Variants in ZNF324 observed in about 807,000 individuals in gnomAD.
ZNF324 encodes the protein zinc finger protein 324A.
In ZNF324, 3 loss-of-function variants were observed where a neutral mutation model predicts 10.3. The ratio of observed to expected loss-of-function variants is 0.29; its 90% confidence interval spans 0.13 to 0.75. The LOEUF (loss-of-function observed/expected upper bound fraction) is 0.75. Ranked by LOEUF, ZNF324 falls within the 30% of genes least tolerant of loss-of-function variation. The pLI is 0.69. For missense variants in ZNF324, 763 were observed against 784.4 expected, an observed-to-expected ratio of 0.97 and a Z score of 0.33; for synonymous variants, 430 against 339.5, an observed-to-expected ratio of 1.27 and a Z score of -2.93.
chr19:58,474,915 T>G lies in ZNF324; in HGVS notation c.*2761T>G, dbSNP rs2053068033. 6.6e-6 allele frequency: 1 copy of G among 152,140 alleles called. No homozygotes were observed. Among genetic ancestry groups the G allele is most frequent in the African/African-American group, 2.4e-5 (1 of 41,392 alleles). The allele number at this position is 152,140 out of a possible 1,614,324, so 9.4% of individuals were successfully genotyped here. A position where few individuals can be genotyped will look rare whatever the true frequency, so the allele number is the denominator to read the frequency against. ...AGGAGAGAGTTCCCACCAGGCTGAC[T>G]CCAGAACCGCAGAAGGCTGAGAACC... On this transcript the variant is annotated 3_prime_UTR_variant, in exon 4 of 4. Transcript: ENST00000196482.
At chr19:58,470,695 G>A in intron 3 of ZNF324, 36 bp from the exon 4 acceptor site, 1 of 1,613,938 alleles carries the variant, frequency 6.2e-7, no homozygotes. Context: ...CTCCTAACCA[G>A]GATGCCCCAG....
chr19:58,469,131 G>T, intron 1 of ZNF324, 49 bp from the exon 2 acceptor site: 1 of 1,613,134 alleles, frequency 6.2e-7, no homozygotes, highest in Non-Finnish European at 8.5e-7. Flanking sequence ...CAAAAGATTG[G>T]ATAACCCAGC....
intron 3 of ZNF324, 29 bp from the exon 4 acceptor site, chr19:58,470,702 C>T (rs2053021579): frequency 6.2e-7 from 1 of 1,613,580 alleles, no homozygotes; most frequent in Non-Finnish European, 8.5e-7. Context: ...CCAGGATGCC[C>T]CAGGCAACCA....
Position 58,473,410 on chromosome 19 carries a change from A to T in ZNF324, c.*1256A>T, listed in dbSNP as rs2053055443. On this transcript the variant is annotated 3_prime_UTR_variant, in exon 4 of 4. Transcript: ENST00000196482. ...CTCCAAGGAAATTCATGTTCTCCTT[A>T]ATGGAAAAAAAAAAAAAAAGACTAC... The T allele has an allele frequency of 8.6e-6, 1 of 116,870 alleles. No individual in the cohort carries two copies. Among genetic ancestry groups the T allele is most frequent in the African/African-American group, 3.5e-5 (1 of 28,472 alleles). The allele number at this position is 116,870 out of a possible 1,614,324, so 7.2% of individuals were successfully genotyped here. A position where few individuals can be genotyped will look rare whatever the true frequency, so the allele number is the denominator to read the frequency against.
rs1369412969 is a variant in ZNF324 at position 58,471,198 on chromosome 19, G to T, written c.706G>T (p.Gly236Cys). Residue 236 changes from glycine to cysteine, a missense_variant, in exon 4 of 4, where the codon GGT becomes TGT. Transcript: ENST00000196482. Reference sequence around the variant, plus strand: ...TTGGCAGGAGCCTCATAGACTCCTCGGTGGCCAGGAGCCCTCGACCTGGGA... The same window carrying T: ...TTGGCAGGAGCCTCATAGACTCCTCTGTGGCCAGGAGCCCTCGACCTGGGA... The part of the protein sequence containing the change: ...AVWQEPHRLL[G>C]GQEPSTWDEL... 2 of 1,613,378 alleles carry T rather than the reference G, an allele frequency of 1.2e-6. No homozygotes were observed. Among genetic ancestry groups the T allele is most frequent in the South Asian group, 2.2e-5 (2 of 91,066 alleles).
rs1199256759 is a variant in ZNF324, at chr19:58,472,492, G to A, written c.*338G>A. The A allele has an allele frequency of 1.0e-5, 3 of 290,228 alleles. No individual in the cohort carries two copies. The allele number at this position is 290,228 out of a possible 1,614,324, so 18.0% of individuals were successfully genotyped here. ...CATGTGATATGACAGTGGATGCTAA[G>A]GTGAGAGGGATGCAGGCATGGGTTG... On this transcript the variant is annotated 3_prime_UTR_variant, in exon 4 of 4. Coordinates refer to ENST00000196482, the MANE Select transcript of ZNF324 (RefSeq NM_014347.3).
chr19:58,471,014 T>C lies in ZNF324; in HGVS notation c.522T>C (p.Leu174=). Residue 174 remains leucine, a synonymous_variant, in exon 4 of 4, where the codon CTT becomes CTC. Coordinates refer to ENST00000196482, the MANE Select transcript of ZNF324 (RefSeq NM_014347.3). The part of the protein sequence containing the change: ...SPLRPPEGVR[L]REKTLTEHAL... ...TTAGGCCTCCCGAGGGCGTCCGGCTTAGAGAAAAGACACTCACAGAGCATG... is the reference window on the plus strand; with the variant it reads ...TTAGGCCTCCCGAGGGCGTCCGGCTCAGAGAAAAGACACTCACAGAGCATG... 2 of 1,614,084 alleles carry C rather than the reference T, an allele frequency of 1.2e-6. No individual in the cohort carries two copies. Among genetic ancestry groups the C allele is most frequent in the Non-Finnish European group, 1.7e-6 (2 of 1,180,032 alleles).
Position 58,472,757 on chromosome 19 carries a change from G to A in ZNF324, c.*603G>A, listed in dbSNP as rs1245314860. On this transcript the variant is annotated 3_prime_UTR_variant, in exon 4 of 4. Transcript: ENST00000196482. The stretch of plus-strand genomic sequence containing the variant: ...ACATCATGTTTGTAGACGCTGACAG[G>A]TGGGGTCCTAATGAGAGCCAACACA... 3 of 152,594 alleles carry A rather than the reference G, an allele frequency of 2.0e-5. No homozygotes were observed. The highest frequency in any genetic ancestry group is 7.2e-5 in the African/African-American group (3 of 41,450). 9.5% of individuals were successfully genotyped at this position (152,594 alleles called of 1,614,324 possible).
In ZNF324 at chr19:58,475,010, C is replaced by T. The variant is rs1162056240; in HGVS notation, c.*2856C>T. The T allele has an allele frequency of 6.6e-6, 1 of 152,176 alleles. No individual in the cohort carries two copies. Among genetic ancestry groups the T allele is most frequent in the African/African-American group, 2.4e-5 (1 of 41,420 alleles). 9.4% of individuals were successfully genotyped at this position (152,176 alleles called of 1,614,324 possible). A position where few individuals can be genotyped will look rare whatever the true frequency, so the allele number is the denominator to read the frequency against. The stretch of plus-strand genomic sequence containing the variant: ...CAACTACTGAAGAAGCCCTTAACGC[C>T]CCAGTGCTCTCCCCACATGGTGGAG... On this transcript the variant is annotated 3_prime_UTR_variant, in exon 4 of 4. Coordinates refer to ENST00000196482, the MANE Select transcript of ZNF324 (RefSeq NM_014347.3).
rs1038664059 is a variant in ZNF324 at position 58,474,420 on chromosome 19, G to A, written c.*2266G>A. On this transcript the variant is annotated 3_prime_UTR_variant, in exon 4 of 4. Transcript: ENST00000196482. ...GCCCTGAGCCCGCCTGACCCCTTAGGCTGGGCTCAGTACCCTACCTTGTCT... is the reference window on the plus strand; with the variant it reads ...GCCCTGAGCCCGCCTGACCCCTTAGACTGGGCTCAGTACCCTACCTTGTCT... The A allele has an allele frequency of 5.9e-5, 9 of 152,042 alleles. No homozygotes were observed. Among genetic ancestry groups the A allele is most frequent in the African/African-American group, 2.2e-4 (9 of 41,350 alleles). 9.4% of individuals were successfully genotyped at this position (152,042 alleles called of 1,614,324 possible). A position where few individuals can be genotyped will look rare whatever the true frequency, so the allele number is the denominator to read the frequency against.
chr19:58,469,666 CTGTT>C, intron 2 of ZNF324, 58 bp from the exon 3 acceptor site: 1 of 1,371,498 alleles, frequency 7.3e-7, no homozygotes, highest in South Asian at 1.2e-5. Flanking sequence ...CTCCTGCCCT[CTGTT>C]TGGAGGTGGG....
Position 58,473,909 on chromosome 19 carries a change from G to C in ZNF324, c.*1755G>C, listed in dbSNP as rs1044220588. 6.6e-6 allele frequency: 1 copy of C among 152,422 alleles called. No homozygotes were observed. Among genetic ancestry groups the C allele is most frequent in the Non-Finnish European group, 1.5e-5 (1 of 68,194 alleles). 9.4% of individuals were successfully genotyped at this position (152,422 alleles called of 1,614,324 possible). ...TGGCAATGGGAGGATGGTAGGTGGA[G>C]AAACCAAGGCAGGGCTGTGTTCCTT... On this transcript the variant is annotated 3_prime_UTR_variant, in exon 4 of 4. Coordinates refer to ENST00000196482, the MANE Select transcript of ZNF324 (RefSeq NM_014347.3).
rs1262697951 is a variant in ZNF324 at position 58,474,055 on chromosome 19, G to T, written c.*1901G>T. 1 of 152,214 alleles carries T rather than the reference G, an allele frequency of 6.6e-6. No individual in the cohort carries two copies. Among genetic ancestry groups the T allele is most frequent in the African/African-American group, 2.4e-5 (1 of 41,446 alleles). 9.4% of individuals were successfully genotyped at this position (152,214 alleles called of 1,614,324 possible). A position where few individuals can be genotyped will look rare whatever the true frequency, so the allele number is the denominator to read the frequency against. On this transcript the variant is annotated 3_prime_UTR_variant, in exon 4 of 4. Coordinates refer to ENST00000196482, the MANE Select transcript of ZNF324 (RefSeq NM_014347.3). ...AGCTATCCTGCCCTATACACAAAGAGCCCAGATCCAGGCCCCACACACTTG... is the reference window on the plus strand; with the variant it reads ...AGCTATCCTGCCCTATACACAAAGATCCCAGATCCAGGCCCCACACACTTG...
intron 2 of ZNF324, 121 bp downstream of exon 2, chr19:58,469,427 G>A (rs1351548802): frequency 1.3e-5 from 18 of 1,350,310 alleles, no homozygotes; most frequent in Non-Finnish European, 1.5e-5. Context: ...GAGCCATGTG[G>A]AATAGGGGTC....
Position 58,471,936 on chromosome 19 carries a change from G to T in ZNF324, c.1444G>T (p.Val482Leu). ...RRIHTGEKPF[V>L]CTQCGRAFRE... is the part of the protein sequence containing the mutation. ...CATTCACACGGGCGAGAAGCCCTTC[G>T]TGTGTACGCAGTGTGGCCGCGCCTT... The change falls in exon 4 of 4, where the codon GTG becomes TTG. Residue 482 changes from valine (V) to leucine (L), a missense_variant. Physicochemically the swap from Val to Leu is conservative, Grantham distance 32. Transcript: ENST00000196482. 3 of 1,609,888 alleles carry T rather than the reference G, an allele frequency of 1.9e-6. No homozygotes were observed. The highest frequency in any genetic ancestry group is 8.5e-7 in the Non-Finnish European group (1 of 1,178,980).
In ZNF324 at chr19:58,471,314, G is replaced by A. The variant is rs370297392; in HGVS notation, c.822G>A (p.Lys274=). Residue 274 remains lysine, a synonymous_variant, in exon 4 of 4, where the codon AAG becomes AAA. Coordinates refer to ENST00000196482, the MANE Select transcript of ZNF324 (RefSeq NM_014347.3). ...TCGTGAAGAGCTCCGACCTCCTCAA[G>A]CACCTACGCACCCACACCGGGGAGC... ...KVFVKSSDLL[K]HLRTHTGERP... 22 of 1,613,850 alleles carry A rather than the reference G, an allele frequency of 1.4e-5. No homozygotes were observed. Among genetic ancestry groups the A allele is most frequent in the Non-Finnish European group, 1.9e-5 (22 of 1,180,022 alleles).
chr19:58,470,961 A>C lies in ZNF324; in HGVS notation c.469A>C (p.Ser157Arg), dbSNP rs750174460. 1.6e-5 allele frequency: 26 copies of C among 1,614,110 alleles called. No individual in the cohort carries two copies. Among genetic ancestry groups the C allele is most frequent in the Non-Finnish European group, 1.8e-5 (21 of 1,180,046 alleles). Residue 157 changes from serine to arginine, a missense_variant, in exon 4 of 4, where the codon AGC becomes CGC. By Grantham distance (110) the Ser-to-Arg change is moderately radical (BLOSUM62 -1). Around this residue, in one of 3 missense-constraint regions of ZNF324, gnomAD observed 379 missense variants for 319.4 expected, o/e 1.19. Coordinates refer to ENST00000196482, the MANE Select transcript of ZNF324 (RefSeq NM_014347.3). Reference protein sequence around the residue: ...LLLGSGSGQASVSLRLTSPLR... With the variant: ...LLLGSGSGQARVSLRLTSPLR... Reference sequence around the variant, plus strand: ...GCTAGGCTCAGGCAGTGGGCAAGCCAGCGTCAGCCTGCGACTGACCTCCCC... The same window carrying C: ...GCTAGGCTCAGGCAGTGGGCAAGCCCGCGTCAGCCTGCGACTGACCTCCCC...
rs1018045053 is a variant in ZNF324, at chr19:58,474,962, C to T, written c.*2808C>T. On this transcript the variant is annotated 3_prime_UTR_variant, in exon 4 of 4. Coordinates refer to ENST00000196482, the MANE Select transcript of ZNF324 (RefSeq NM_014347.3). ...AACCAGCAGCCCAGAGACGGGAGACCTATATCAAAGCTGCCTGGGGAACAA... is the reference window on the plus strand; with the variant it reads ...AACCAGCAGCCCAGAGACGGGAGACTTATATCAAAGCTGCCTGGGGAACAA... 1 of 152,188 alleles carries T rather than the reference C, an allele frequency of 6.6e-6. No homozygotes were observed. Among genetic ancestry groups the T allele is most frequent in the African/African-American group, 2.4e-5 (1 of 41,432 alleles). 9.4% of individuals were successfully genotyped at this position (152,188 alleles called of 1,614,324 possible). A position where few individuals can be genotyped will look rare whatever the true frequency, so the allele number is the denominator to read the frequency against.
chr19:58,469,421 C>T, intron 2 of ZNF324, 115 bp downstream of exon 2: 4 of 1,397,130 alleles, frequency 2.9e-6, no homozygotes, highest in East Asian at 2.3e-5. Context: ...AGCCAGGAGC[C>T]ATGTGGAATA....
Sources: allele counts gnomAD v4.1 joint callset, GRCh38; gene constraint gnomAD v4.1.1; regional missense constraint gnomAD v4.1.1; transcripts MANE v1.5; gene names NCBI Gene and HGNC (gene_info 2026-07-23, HGNC 2026-07-21).